The following COL4A3 variants were observed in gnomAD, a reference collection of about 807,000 sequenced individuals.
COL4A3 encodes the protein collagen type IV alpha 3 chain.
Under a neutral mutation model 217.4 loss-of-function variants are expected in COL4A3, and 135 were observed. The observed-to-expected ratio is 0.62, with a 90% CI of 0.54 to 0.72. COL4A3 has a LOEUF of 0.72. COL4A3 is among the 30% of genes least tolerant of loss of function. The probability of loss-of-function intolerance (pLI) is 0.00; values close to 1 mark genes in which losing one functional copy is unlikely to be tolerated. For missense variants in COL4A3, 1,868 were observed against 2,119.9 expected, an observed-to-expected ratio of 0.88 and a Z score of 2.33; for synonymous variants, 690 against 736.3, an observed-to-expected ratio of 0.94 and a Z score of 1.02.
chr2:227,306,696 A>G (rs2073514921), intron 47 of COL4A3, among the ~76,000 whole-genome samples: 2 of 152,162 alleles, frequency 1.3e-5, no homozygotes, highest in Non-Finnish European at 2.9e-5. Flanking sequence ...ATTTCTGAGG[A>G]AAGTCCTGAC....
At chr2:227,215,815 G>C (rs1238702597) in intron 1 of COL4A3, among the ~76,000 whole-genome samples, 1 of 152,056 alleles carries the variant, frequency 6.6e-6, no homozygotes, top group Non-Finnish European at 1.5e-5. Flanking sequence ...AGCATCATAG[G>C]TGCAGGCAGT....
chr2:227,261,856 T>G (rs1466243304), intron 20 of COL4A3, among the ~76,000 whole-genome samples: 2 of 152,252 alleles, frequency 1.3e-5, no homozygotes, highest in African/African-American at 4.8e-5. Flanking sequence ...CTTTCGTCTC[T>G]GACTCATTAG....
At chr2:227,310,650 C>T (rs763052961) in intron 50 of COL4A3, 126 bp from the exon 51 acceptor site, 5 of 790,422 alleles carry the variant, frequency 6.3e-6, no homozygotes, top group South Asian at 1.5e-5. Context: ...TCTGTAGCAT[C>T]GCTCATGATC....
chr2:227,202,900 T>C (rs1323597422), intron 1 of COL4A3, among the ~76,000 whole-genome samples: 4 of 43,852 alleles, frequency 9.1e-5, no homozygotes, highest in Non-Finnish European at 1.5e-4. Context: ...TATATGTGTA[T>C]ATATGTGTAT....
chr2:227,170,049 T>A (rs1296711705), intron 1 of COL4A3, among the ~76,000 whole-genome samples: 1 of 152,214 alleles, frequency 6.6e-6, no homozygotes, highest in Admixed American at 6.5e-5. Context: ...ATGTCAAAGG[T>A]CCATCAAAGA....
rs2106164430 is a variant in COL4A3 at position 227,282,485 on chromosome 2, T to C, written c.2609T>C (p.Leu870Pro). The C allele has an allele frequency of 1.9e-6, 3 of 1,613,870 alleles. No individual in the cohort carries two copies. The highest frequency in any genetic ancestry group is 1.7e-6 in the Non-Finnish European group (2 of 1,179,942). ...IPGHQGEMGPLGQRGYPGNPG... is the reference protein window; with the variant it reads ...IPGHQGEMGPPGQRGYPGNPG... ...GGTCATCAAGGTGAAATGGGACCAC[T>C]GGGTCAAAGAGGATATCCAGGAAAT... The change falls in exon 32 of 52, where the codon CTG becomes CCG. Residue 870 changes from leucine (L) to proline (P), a missense_variant. This residue lies in a region of COL4A3 where 1,503 missense variants were observed against 1,786.1 expected (regional missense o/e 0.84). Transcript: ENST00000396578. The surrounding 1 kb of genome is among the most constrained non-coding windows in gnomAD (Gnocchi z 4.4).
chr2:227,222,122 C>CTAA (rs367763401), intron 1 of COL4A3, among the ~76,000 whole-genome samples: 8,270 of 105,086 alleles, frequency 0.079, 308 homozygotes, highest in East Asian at 0.13. Flanking sequence ...GACACTGTCT[C>CTAA]TAATAATAAT....
intron 34 of COL4A3, among the ~76,000 whole-genome samples, chr2:227,286,954 G>C (rs191327490): frequency 6.6e-6 from 1 of 152,262 alleles, no homozygotes; most frequent in Admixed American, 6.5e-5. Context: ...TGATTATACA[G>C]AGGTGAACAA....
intron 9 of COL4A3, among the ~76,000 whole-genome samples, chr2:227,249,230 A>ATATATATATTTTTTT: frequency 4.1e-4 from 6 of 14,692 alleles, no homozygotes; most frequent in African/African-American, 1.3e-3. Flanking sequence ...ATATATATAT[A>ATATATATATTTTTTT]TTTTTTTTTT....
In COL4A3 at chr2:227,253,518, T is replaced by C. The variant is rs751785083; in HGVS notation, c.688-43T>C. 3 of 1,522,920 alleles carry C rather than the reference T, an allele frequency of 2.0e-6. No individual in the cohort carries two copies. The highest frequency in any genetic ancestry group is 1.4e-5 in the African/African-American group (1 of 72,972). The allele number at this position is 1,522,920 out of a possible 1,614,324, so 94.3% of individuals were successfully genotyped here. On this transcript the variant is annotated intron_variant, in intron 12 of 51. Transcript: ENST00000396578. The surrounding 1 kb of genome is among the most constrained non-coding windows in gnomAD (Gnocchi z 4.4). ...AAACGTAGTAACATTGAAATGTTGA[T>C]GCTGTTGTTTATTTTCTCACTCCTG...
Position 227,259,797 on chromosome 2 carries a change from A to G in COL4A3, c.1034A>G (p.Glu345Gly), listed in dbSNP as rs951964916. 1 of 1,610,136 alleles carries G rather than the reference A, an allele frequency of 6.2e-7. No homozygotes were observed. Among genetic ancestry groups the G allele is most frequent in the African/African-American group, 1.3e-5 (1 of 74,924 alleles). ...TTTGTTTCTTTCTCCTCTAAGACAG[A>G]ATATTATGACACATACCAGGAAAAG... ...IGPPGFRGPT[E>G]YYDTYQEKGD... Residue 345 changes from glutamate to glycine, a missense_variant, in exon 19 of 52, where the codon GAA becomes GGA. Around this residue, in one of 2 missense-constraint regions of COL4A3, gnomAD observed 1,503 missense variants for 1,786.1 expected, o/e 0.84. Transcript: ENST00000396578.
At chr2:227,244,020 T>C (rs1559860013) in intron 3 of COL4A3, among the ~76,000 whole-genome samples, 1 of 152,160 alleles carries the variant, frequency 6.6e-6, no homozygotes, top group Non-Finnish European at 1.5e-5. Flanking sequence ...TCTCGGTCAA[T>C]AGTCTGGGAG....
Position 227,251,139 on chromosome 2 carries a change from G to A in COL4A3, c.547-1G>A, listed in dbSNP as rs1240347743. Reference sequence around the variant, plus strand: ...ACTCTTATTCTTCTCTCAATTTCAAGGGTTTGCCAGGCCCTCCAGGTTTTC... The same window carrying A: ...ACTCTTATTCTTCTCTCAATTTCAAAGGTTTGCCAGGCCCTCCAGGTTTTC... On this transcript the variant is annotated splice_acceptor_variant, in intron 9 of 51. Coordinates refer to ENST00000396578, the MANE Select transcript of COL4A3 (RefSeq NM_000091.5). LOFTEE classifies it high-confidence loss of function. The A allele has an allele frequency of 6.2e-7, 1 of 1,611,238 alleles. No individual in the cohort carries two copies. The highest frequency in any genetic ancestry group is 1.3e-5 in the African/African-American group (1 of 74,872).
At chr2:227,278,858 G>C (rs1001010551) in intron 28 of COL4A3, among the ~76,000 whole-genome samples, 2 of 152,128 alleles carry the variant, frequency 1.3e-5, no homozygotes, top group African/African-American at 4.8e-5. Context: ...TCAAATTAGG[G>C]TATGAAGGAA....
intron 1 of COL4A3, among the ~76,000 whole-genome samples, chr2:227,176,112 G>C (rs1052563934): frequency 1.9e-4 from 29 of 152,316 alleles, no homozygotes; most frequent in Admixed American, 1.7e-3. Context: ...CTCAGATGAA[G>C]AGGAGGGGAA....
Position 227,282,665 on chromosome 2 carries a change from G to T in COL4A3, c.2656+133G>T. The T allele has an allele frequency of 2.3e-6, 2 of 871,858 alleles. No individual in the cohort carries two copies. The highest frequency in any genetic ancestry group is 2.7e-5 in the East Asian group (1 of 37,216). 54.0% of individuals were successfully genotyped at this position (871,858 alleles called of 1,614,324 possible). A position where few individuals can be genotyped will look rare whatever the true frequency, so the allele number is the denominator to read the frequency against. On this transcript the variant is annotated intron_variant, in intron 32 of 51. Coordinates refer to ENST00000396578, the MANE Select transcript of COL4A3 (RefSeq NM_000091.5). The surrounding 1 kb of genome is among the most constrained non-coding windows in gnomAD (Gnocchi z 4.4). ...ATAAGGTTTTCCTTCTAAATTATTT[G>T]TAAGAAACCAGGGGCCATGGTGCAG...
intron 43 of COL4A3, among the ~76,000 whole-genome samples, chr2:227,299,327 G>C (rs770132834): frequency 6.6e-6 from 1 of 152,132 alleles, no homozygotes; most frequent in African/African-American, 2.4e-5. Flanking sequence ...CCCGGGAGGC[G>C]GAGCTTGCAG....
chr2:227,179,092 C>A (rs2065787530), intron 1 of COL4A3, among the ~76,000 whole-genome samples: 1 of 152,128 alleles, frequency 6.6e-6, no homozygotes, highest in South Asian at 2.1e-4. Flanking sequence ...GCTGGGACTA[C>A]AGATGCATGC....
chr2:227,230,233 G>C (rs1004023541), intron 1 of COL4A3, among the ~76,000 whole-genome samples: 1 of 152,048 alleles, frequency 6.6e-6, no homozygotes, highest in Non-Finnish European at 1.5e-5. Flanking sequence ...TTTAAGTAAG[G>C]CCGTAAAACA....
Sources: allele counts gnomAD v4.1 joint callset (sites outside exome capture counted in the v4.1 genomes callset), GRCh38; gene constraint gnomAD v4.1.1; regional missense constraint gnomAD v4.1.1; non-coding constraint Gnocchi (gnomAD v3.1); transcripts MANE v1.5; gene names NCBI Gene and HGNC (gene_info 2026-07-23, HGNC 2026-07-21).